TMCC3: variants seen among roughly 807,000 people sequenced by gnomAD.
TMCC3 encodes transmembrane and coiled-coil domain protein 3.
Under a neutral mutation model 40.2 loss-of-function variants are expected in TMCC3, and 28 were observed. The ratio of observed to expected loss-of-function variants is 0.70; its 90% CI spans 0.52 to 0.95. The LOEUF (loss-of-function observed/expected upper bound fraction) is 0.95, where lower values mean the gene tolerates loss of function less well. Ranked by LOEUF, TMCC3 falls within the 40% of genes least tolerant of loss-of-function variation. The pLI, the probability that TMCC3 is intolerant of heterozygous loss-of-function variation, is 0.00. For synonymous variants in TMCC3, 255 were observed against 248.5 expected (o/e 1.03, Z -0.25); for missense variants, 554 against 615.2 (o/e 0.90, Z 1.05).
chr12:94,582,965 CTTTT>C (rs753900771), intron 1 of TMCC3, among the ~76,000 whole-genome samples: 23 of 59,910 alleles, frequency 3.8e-4, no homozygotes, highest in South Asian at 2.5e-3. Flanking sequence ...GAAGGAGAAT[CTTTT>C]TTTTTTTTTT....
chr12:94,640,061 T>C (rs959872020), intron 1 of TMCC3, among the ~76,000 whole-genome samples: 10 of 152,356 alleles, frequency 6.6e-5, no homozygotes, highest in African/African-American at 4.8e-5. Context: ...TTAAATAACA[T>C]AGAATCACAG....
chr12:94,610,493 C>A (rs1216095983), intron 1 of TMCC3, among the ~76,000 whole-genome samples: 1 of 151,342 alleles, frequency 6.6e-6, no homozygotes, highest in East Asian at 1.9e-4. Context: ...AAAATATTTA[C>A]AAGTCTTCTG....
intron 1 of TMCC3, among the ~76,000 whole-genome samples, chr12:94,604,213 T>C (rs2068769147): frequency 6.6e-6 from 1 of 152,228 alleles, no homozygotes; most frequent in Non-Finnish European, 1.5e-5. Context: ...TGCCTTGTTT[T>C]ATTACATAAT....
rs1555282846 is a variant in TMCC3, at chr12:94,593,391, A to AAAG, written c.79-10856_79-10854dup. Among the ~76,000 whole-genome samples the AAAG allele has an allele frequency of 1.0e-3, 64 of 62,776 alleles. 14 individuals are homozygous for AAAG. The highest frequency in any genetic ancestry group is 3.8e-3 in the African/African-American group (55 of 14,324). The allele number at this position is 62,776 out of a possible 152,430, so 41.2% of individuals were successfully genotyped here. Reference sequence around the variant, plus strand: ...AAAAAAAGAAAAGAAAAGAAAGAAGAAAGAAGAAAGAAGAAGAAGGAAGAA... The same window carrying AAAG: ...AAAAAAAGAAAAGAAAAGAAAGAAGAAAGAAGAAGAAAGAAGAAGAAGGAAGAA... On this transcript the variant is annotated intron_variant, in intron 1 of 3. Coordinates refer to ENST00000261226, the MANE Select transcript of TMCC3 (RefSeq NM_020698.4).
rs375699613 is a variant in TMCC3 at position 94,618,891 on chromosome 12, C to T, written c.78+31462G>A. 2.9e-4 allele frequency among the ~76,000 whole-genome samples: 44 copies of T among 152,216 alleles called. 1 individual carries two copies. In the East Asian group the frequency reaches 7.9e-3, roughly 27 times the overall value. ...GCTGTGAATAGACTCAACTTTTTGT[C>T]GTGTCTACAAGATGCTCTCCTACCC... On this transcript the variant is annotated intron_variant, in intron 1 of 3. Transcript: ENST00000261226.
intron 3 of TMCC3, among the ~76,000 whole-genome samples, chr12:94,575,780 G>A (rs2068560747): frequency 6.6e-6 from 1 of 152,090 alleles, no homozygotes; most frequent in Non-Finnish European, 1.5e-5. Flanking sequence ...TGAAGCAATT[G>A]TACTGTTCAC....
chr12:94,614,510 G>A (rs375661581), intron 1 of TMCC3, among the ~76,000 whole-genome samples: 14 of 152,308 alleles, frequency 9.2e-5, no homozygotes, highest in South Asian at 4.1e-4. Flanking sequence ...GGTTTCTCCA[G>A]AATGGCCTGT....
At chr12:94,608,996 T>G (rs2068799610) in intron 1 of TMCC3, among the ~76,000 whole-genome samples, 2 of 152,174 alleles carry the variant, frequency 1.3e-5, no homozygotes, top group African/African-American at 2.4e-5. Flanking sequence ...CACTCTGGCT[T>G]GAGCCCAGGA....
At chr12:94,594,135 TA>T (rs2068700400) in intron 1 of TMCC3, among the ~76,000 whole-genome samples, 1 of 152,024 alleles carries the variant, frequency 6.6e-6, no homozygotes. Context: ...AGTGTACATT[TA>T]TTTAATATCT....
At chr12:94,594,478 G>A (rs2068703407) in intron 1 of TMCC3, among the ~76,000 whole-genome samples, 2 of 152,294 alleles carry the variant, frequency 1.3e-5, no homozygotes, top group Non-Finnish European at 1.5e-5. Context: ...GAAGGGGTGA[G>A]CAAGAGCTGC....
chr12:94,586,071 C>A (rs553898927), intron 1 of TMCC3, among the ~76,000 whole-genome samples: 1 of 152,324 alleles, frequency 6.6e-6, no homozygotes, highest in Admixed American at 6.5e-5. Flanking sequence ...ATAGCCCTGA[C>A]AATTCCAGGT....
At chr12:94,597,743 G>C (rs1482319094) in intron 1 of TMCC3, among the ~76,000 whole-genome samples, 5 of 152,022 alleles carry the variant, frequency 3.3e-5, no homozygotes, top group Non-Finnish European at 4.4e-5. Flanking sequence ...GGAGGCGGAG[G>C]TTGCAGTGAG....
chr12:94,633,956 T>TTA (rs10650011), intron 1 of TMCC3, among the ~76,000 whole-genome samples: 3,556 of 151,708 alleles, frequency 0.023, 146 homozygotes, highest in African/African-American at 0.081. Flanking sequence ...TTTATTTTTT[T>TTA]TTTTTTTGAG....
intron 1 of TMCC3, among the ~76,000 whole-genome samples, chr12:94,596,742 G>A (rs1038176918): frequency 1.3e-5 from 2 of 152,022 alleles, no homozygotes; most frequent in Non-Finnish European, 2.9e-5. Context: ...ATCAGTTGTT[G>A]ACTAGCAGCC....
At chr12:94,621,080 A>G (rs1403212367) in intron 1 of TMCC3, among the ~76,000 whole-genome samples, 2 of 152,246 alleles carry the variant, frequency 1.3e-5, no homozygotes, top group Admixed American at 1.3e-4. Context: ...CTCCACAGGT[A>G]ATTTGGATGT....
intron 1 of TMCC3, chr12:94,591,073 C>T: frequency 2.0e-6 from 1 of 510,442 alleles, no homozygotes; most frequent in South Asian, 1.5e-5. Context: ...TATTCCAATG[C>T]TCTTTGTCCT....
chr12:94,641,714 C>A lies in TMCC3; in HGVS notation c.78+8639G>T, dbSNP rs114338040. ...GACCCTTAAGGCGAGACTCACAGAA[C>A]GGAGAGCTTTGGAGACCAGGGCAGA... On this transcript the variant is annotated intron_variant, in intron 1 of 3. Transcript: ENST00000261226. Among the ~76,000 whole-genome samples the A allele has an allele frequency of 4.8e-3, 732 of 152,182 alleles. 8 individuals carry two copies. The highest frequency in any genetic ancestry group is 0.017 in the African/African-American group (703 of 41,506).
At chr12:94,640,283 AG>A (rs2068982626) in intron 1 of TMCC3, among the ~76,000 whole-genome samples, 1 of 152,142 alleles carries the variant, frequency 6.6e-6, no homozygotes, top group South Asian at 2.1e-4. Context: ...CCCAGGGCTC[AG>A]GTGATCCTCC....
intron 3 of TMCC3, among the ~76,000 whole-genome samples, chr12:94,572,126 A>G (rs1036380035): frequency 6.6e-6 from 1 of 151,750 alleles, no homozygotes; most frequent in Non-Finnish European, 1.5e-5. Flanking sequence ...CAGCCCCCCA[A>G]GTAGCTGGGA....
Sources: allele counts gnomAD v4.1 joint callset (sites outside exome capture counted in the v4.1 genomes callset), GRCh38; gene constraint gnomAD v4.1.1; transcripts MANE v1.5; gene names NCBI Gene and HGNC (gene_info 2026-07-23, HGNC 2026-07-21).